Variants in MTA3 observed in about 807,000 individuals in gnomAD.
MTA3 encodes metastasis associated 1 family member 3, also known as metastasis-associated protein MTA3.
In MTA3, 34 loss-of-function variants were observed where a neutral mutation model predicts 83.5. That is an observed-to-expected ratio of 0.41 (90% CI 0.31 to 0.54). The LOEUF is 0.54. Ranked by LOEUF, MTA3 falls within the 20% of genes least tolerant of loss-of-function variation. The probability of loss-of-function intolerance (pLI) is 0.33; values close to 1 mark genes in which losing one functional copy is unlikely to be tolerated. For synonymous variants in MTA3, 303 were observed against 252.7 expected (o/e 1.20, Z -1.89); for missense variants, 761 against 726.4 (o/e 1.05, Z -0.55).
At chr2:42,504,444 T>C (rs1023513617) in intron 2 of MTA3, among the ~76,000 whole-genome samples, 1 of 152,120 alleles carries the variant, frequency 6.6e-6, no homozygotes, top group Non-Finnish European at 1.5e-5. Flanking sequence ...TTTCGCCATG[T>C]TGACCATGCT....
chr2:42,693,068 C>G (rs1397243759), intron 9 of MTA3, among the ~76,000 whole-genome samples: 2 of 140,036 alleles, frequency 1.4e-5, no homozygotes, highest in Non-Finnish European at 3.1e-5. Flanking sequence ...CCCTTTCTCT[C>G]AAAGAAACAG....
At chr2:42,752,058 G>A (rs1344720216) in intron 16 of MTA3, among the ~76,000 whole-genome samples, 2 of 152,162 alleles carry the variant, frequency 1.3e-5, no homozygotes, top group Non-Finnish European at 2.9e-5. Context: ...TAACCTTTCT[G>A]ACACTCCCAA....
chr2:42,515,863 G>GA (rs1336697164), intron 2 of MTA3, among the ~76,000 whole-genome samples: 3 of 137,814 alleles, frequency 2.2e-5, no homozygotes, highest in Non-Finnish European at 4.6e-5. Context: ...TTTGAGACAA[G>GA]AGTCTCGCTC....
intron 16 of MTA3, among the ~76,000 whole-genome samples, chr2:42,725,376 C>T (rs1475235207): frequency 2.0e-5 from 3 of 152,204 alleles, no homozygotes; most frequent in African/African-American, 7.2e-5. Flanking sequence ...TCTCGTTTAA[C>T]CACTGTTATG....
chr2:42,684,614 A>T (rs997297452), intron 9 of MTA3, among the ~76,000 whole-genome samples: 1 of 151,598 alleles, frequency 6.6e-6, no homozygotes, highest in Non-Finnish European at 1.5e-5. Flanking sequence ...ATTGCAAAGA[A>T]TGAAACCTAA....
intron 16 of MTA3, among the ~76,000 whole-genome samples, chr2:42,739,375 A>G (rs978181040): frequency 1.1e-4 from 16 of 152,090 alleles, no homozygotes; most frequent in Non-Finnish European, 1.5e-4. Context: ...ACTGTAGTCT[A>G]TTAAGTGTGC....
intron 6 of MTA3, among the ~76,000 whole-genome samples, chr2:42,647,158 A>AAAAAAAAAAC (rs1553373428): frequency 2.0e-5 from 3 of 151,160 alleles, no homozygotes; most frequent in Non-Finnish European, 4.4e-5. Flanking sequence ...CTCTGTCTAA[A>AAAAAAAAAAC]AAAAAAAAAC....
intron 4 of MTA3, among the ~76,000 whole-genome samples, chr2:42,612,494 G>T (rs938707603): frequency 2.0e-5 from 3 of 152,142 alleles, no homozygotes; most frequent in Admixed American, 2.0e-4. Context: ...GGGATTACAG[G>T]TGTGAGTCAT....
chr2:42,704,982 C>A (rs1665938079), intron 12 of MTA3, among the ~76,000 whole-genome samples: 1 of 152,122 alleles, frequency 6.6e-6, no homozygotes, highest in Admixed American at 6.6e-5. Context: ...ATCTATGTTT[C>A]CTTCCAGTTA....
chr2:42,524,375 G>T (rs2103701046), intron 2 of MTA3, among the ~76,000 whole-genome samples: 1 of 150,894 alleles, frequency 6.6e-6, no homozygotes, highest in South Asian at 2.1e-4. Context: ...ATCTGGGCTT[G>T]CTGCAAGCTC....
intron 2 of MTA3, among the ~76,000 whole-genome samples, chr2:42,555,047 G>A (rs1387225942): frequency 2.0e-5 from 3 of 152,130 alleles, no homozygotes; most frequent in Non-Finnish European, 4.4e-5. Flanking sequence ...TAGCTACTCG[G>A]TAGGCTGAGG....
chr2:42,561,538 G>T lies in MTA3; in HGVS notation c.-140-8899G>T, dbSNP rs148432254. 6.8e-4 allele frequency among the ~76,000 whole-genome samples: 104 copies of T among 152,148 alleles called. 1 individual carries two copies. Among genetic ancestry groups the T allele is most frequent in the African/African-American group, 2.4e-3 (99 of 41,516 alleles). ...GGGTTTCACCATGTTGGCCAGGCTG[G>T]TCTCAAACTCCTGACATCAGGTGAT... On this transcript the variant is annotated intron_variant, in intron 2 of 17. Coordinates refer to the MTA3 transcript ENST00000405592.
chr2:42,531,714 G>A (rs1675979655), intron 2 of MTA3, among the ~76,000 whole-genome samples: 1 of 151,856 alleles, frequency 6.6e-6, no homozygotes, highest in Non-Finnish European at 1.5e-5. Flanking sequence ...GCCTCCCAAA[G>A]TGCTGGCATT....
chr2:42,645,282 T>C (rs772291756), intron 6 of MTA3, among the ~76,000 whole-genome samples: 12 of 151,544 alleles, frequency 7.9e-5, no homozygotes, highest in Admixed American at 3.9e-4. Flanking sequence ...CCCAGCACTT[T>C]GAGGGGCCGC....
At chr2:42,643,696 G>C (rs958735568) in intron 5 of MTA3, among the ~76,000 whole-genome samples, 1 of 152,174 alleles carries the variant, frequency 6.6e-6, no homozygotes, top group African/African-American at 2.4e-5. Context: ...TTGACTAAAA[G>C]CTGGGATGGA....
At chr2:42,560,623 G>A (rs1240321365) in intron 2 of MTA3, among the ~76,000 whole-genome samples, 1 of 151,022 alleles carries the variant, frequency 6.6e-6, no homozygotes, top group African/African-American at 2.4e-5. Context: ...AAAACCCCAG[G>A]GCGTGGCACG....
intron 2 of MTA3, among the ~76,000 whole-genome samples, chr2:42,531,879 C>T (rs981015704): frequency 5.9e-5 from 9 of 152,224 alleles, no homozygotes; most frequent in African/African-American, 2.2e-4. Flanking sequence ...GCCTCAGCCT[C>T]CCGAGTAGCT....
chr2:42,686,828 A>G (rs1251164172), intron 9 of MTA3, among the ~76,000 whole-genome samples: 2 of 150,180 alleles, frequency 1.3e-5, no homozygotes, highest in Non-Finnish European at 3.0e-5. Flanking sequence ...CTTCATCTCA[A>G]AAAAAAAGGG....
Position 42,568,702 on chromosome 2 carries a change from G to C in MTA3, c.-44G>C. 8.3e-7 allele frequency: 1 copy of C among 1,201,536 alleles called. No individual in the cohort carries two copies. The highest frequency in any genetic ancestry group is 1.0e-6 in the Non-Finnish European group (1 of 969,320). 74.4% of individuals were successfully genotyped at this position (1,201,536 alleles called of 1,614,324 possible). ...CTGAGGCTGAGGAGGAGGCGGCGGC[G>C]GCGGGCGGGGCTCGGCTCGGGCTCC... On this transcript the variant is annotated 5_prime_UTR_variant, in exon 1 of 17. Transcript: ENST00000405094.
Sources: allele counts gnomAD v4.1 joint callset (sites outside exome capture counted in the v4.1 genomes callset), GRCh38; gene constraint gnomAD v4.1.1; transcripts MANE v1.5; gene names NCBI Gene and HGNC (gene_info 2026-07-23, HGNC 2026-07-21).